SOS2: variants seen among roughly 807,000 people sequenced by gnomAD.
SOS2 encodes the protein son of sevenless homolog 2.
In SOS2, 65 loss-of-function variants were observed where a neutral mutation model predicts 148.2. The ratio of observed to expected loss-of-function variants is 0.44; its 90% confidence interval spans 0.36 to 0.54. SOS2 has a LOEUF of 0.54. SOS2 is among the 20% of genes least tolerant of loss of function. SOS2 has a pLI of 0.00. For synonymous variants in SOS2, 539 were observed against 537.1 expected, an observed-to-expected ratio of 1.00 and a Z score of -0.05; for missense variants, 1,341 against 1,590.2, an observed-to-expected ratio of 0.84 and a Z score of 2.67.
intron 1 of SOS2, among the ~76,000 whole-genome samples, chr14:50,213,674 C>T (rs374300048): frequency 6.6e-6 from 1 of 150,686 alleles, no homozygotes; most frequent in Admixed American, 6.6e-5. Context: ...CTGTCCCCCC[C>T]ACCCCAAAAA....
chr14:50,156,898 G>T (rs1327425136), intron 12 of SOS2, 101 bp downstream of exon 12: 2 of 601,474 alleles, frequency 3.3e-6, no homozygotes, highest in Non-Finnish European at 5.3e-6. Flanking sequence ...AAAGCTGAGA[G>T]CTTTTGTGTT....
intron 1 of SOS2, among the ~76,000 whole-genome samples, chr14:50,230,626 A>G (rs1383171194): frequency 1.3e-5 from 2 of 152,212 alleles, no homozygotes; most frequent in African/African-American, 4.8e-5. Flanking sequence ...AATCTCTTGT[A>G]AACAGGTAAG....
intron 8 of SOS2, among the ~76,000 whole-genome samples, chr14:50,165,719 C>A (rs945402508): frequency 6.6e-6 from 1 of 152,216 alleles, no homozygotes; most frequent in Admixed American, 6.5e-5. Flanking sequence ...TCAGAAGTAA[C>A]TGGAATAAAT....
chr14:50,189,623 T>C (rs966547138), intron 4 of SOS2, among the ~76,000 whole-genome samples: 2 of 152,100 alleles, frequency 1.3e-5, no homozygotes, highest in African/African-American at 4.8e-5. Context: ...AATGCTACTA[T>C]GGTAGAGGCA....
chr14:50,197,592 T>C lies in SOS2; in HGVS notation c.510+2099A>G, dbSNP rs142174731. Among the ~76,000 whole-genome samples the C allele has an allele frequency of 1.3e-3, 195 of 150,780 alleles. 1 individual carries two copies. Among genetic ancestry groups the C allele is most frequent in the Non-Finnish European group, 2.2e-3 (150 of 67,550 alleles). On this transcript the variant is annotated intron_variant, in intron 4 of 22. Coordinates refer to ENST00000216373, the MANE Select transcript of SOS2 (RefSeq NM_006939.4). ...GGTTATAGAAGTTAAGGGAGGAGAGTTGATTCTAACATCTCTCTCCCCAAC... is the reference window on the plus strand; with the variant it reads ...GGTTATAGAAGTTAAGGGAGGAGAGCTGATTCTAACATCTCTCTCCCCAAC...
intron 1 of SOS2, among the ~76,000 whole-genome samples, chr14:50,205,755 A>G (rs2139801188): frequency 6.6e-6 from 1 of 152,134 alleles, no homozygotes; most frequent in Admixed American, 6.6e-5. Flanking sequence ...AACATGGTGA[A>G]ACTAAAAATA....
At chr14:50,196,571 C>T (rs1248261100) in intron 4 of SOS2, among the ~76,000 whole-genome samples, 2 of 152,080 alleles carry the variant, frequency 1.3e-5, no homozygotes, top group Admixed American at 6.6e-5. Flanking sequence ...CCCACTCCAG[C>T]TACCTTTCCT....
At chr14:50,187,057 G>T (rs934169756) in intron 5 of SOS2, among the ~76,000 whole-genome samples, 2 of 152,164 alleles carry the variant, frequency 1.3e-5, no homozygotes, top group African/African-American at 4.8e-5. Context: ...TTTTGCCCAG[G>T]CTGGAGTGCA....
rs1422149740 is a variant in SOS2 at position 50,130,736 on chromosome 14, T to C, written c.3102A>G (p.Lys1034=). ...CTGTGTTAGGCCTTATTCCAGGAGA[T>C]TTTAAGGAAAAAGTTGATTTCCTAG... The part of the protein sequence containing the change: ...RFPRKSTFSL[K]SPGIRPNTGR... The change falls in exon 20 of 23, where the codon AAA becomes AAG. Residue 1034 remains lysine (K), a synonymous_variant. Coordinates refer to ENST00000216373, the MANE Select transcript of SOS2 (RefSeq NM_006939.4). 1 of 1,602,928 alleles carries C rather than the reference T, an allele frequency of 6.2e-7. No individual in the cohort carries two copies.
In SOS2 at chr14:50,229,795, C is replaced by T. The variant is rs143220418; in HGVS notation, c.87+1402G>A. On this transcript the variant is annotated intron_variant, in intron 1 of 22. Transcript: ENST00000216373. Reference sequence around the variant, plus strand: ...GTATATACCTGCGTCACATTGCCAACAATATAGGCCTACCTGATTACTGCA... The same window carrying T: ...GTATATACCTGCGTCACATTGCCAATAATATAGGCCTACCTGATTACTGCA... Among the ~76,000 whole-genome samples, 739 of 152,332 alleles carry T rather than the reference C, an allele frequency of 4.9e-3. 5 individuals are homozygous for T. Among genetic ancestry groups the T allele is most frequent in the African/African-American group, 0.016 (684 of 41,564 alleles).
chr14:50,119,803 CTTTTTTTTTT>C (rs59325250), intron 22 of SOS2, among the ~76,000 whole-genome samples: 1 of 68,498 alleles, frequency 1.5e-5, no homozygotes, highest in Admixed American at 2.2e-4. Flanking sequence ...CCCAACCAGC[CTTTTTTTTTT>C]TTTTTTTTTT....
intron 2 of SOS2, 141 bp from the exon 3 acceptor site, chr14:50,201,225 A>G: frequency 3.7e-6 from 3 of 815,796 alleles, no homozygotes; most frequent in Non-Finnish European, 5.5e-6. Flanking sequence ...GTAATAAATA[A>G]ATTTTTTGGC....
At chr14:50,176,556 T>G (rs1885528695) in intron 7 of SOS2, among the ~76,000 whole-genome samples, 2 of 152,236 alleles carry the variant, frequency 1.3e-5, no homozygotes, top group South Asian at 4.1e-4. Flanking sequence ...AGGAGCTACA[T>G]TTGAGTATTT....
intron 12 of SOS2, 36 bp from the exon 13 acceptor site, chr14:50,153,209 A>T (rs11628935): frequency 8.2e-6 from 10 of 1,215,050 alleles, no homozygotes; most frequent in African/African-American, 1.5e-5. Context: ...TTAGTGAAAC[A>T]TAAGTGTTCA....
intron 5 of SOS2, among the ~76,000 whole-genome samples, chr14:50,187,710 TAAAA>T (rs1885961937): frequency 6.6e-6 from 1 of 152,168 alleles, no homozygotes; most frequent in African/African-American, 2.4e-5. Flanking sequence ...AATCATGTGA[TAAAA>T]GAAAGAAAAA....
rs1490235666 is a variant in SOS2 at position 50,224,312 on chromosome 14, T to TACACAC, written c.87+6884_87+6885insGTGTGT. Among the ~76,000 whole-genome samples, 7 of 53,278 alleles carry TACACAC rather than the reference T, an allele frequency of 1.3e-4. No individual in the cohort carries two copies. In the East Asian group the frequency reaches 3.0e-3, roughly 23 times the overall value. 35.0% of individuals were successfully genotyped at this position (53,278 alleles called of 152,430 possible). ...TCTCAGGAAAAAAAAAAAATATATA[T>TACACAC]ATACACACACACACACACACACACA... is the stretch of plus-strand genomic sequence containing the variant. On this transcript the variant is annotated intron_variant, in intron 1 of 22. Transcript: ENST00000216373.
chr14:50,157,794 C>T (rs1487321248), intron 11 of SOS2, among the ~76,000 whole-genome samples: 1 of 151,924 alleles, frequency 6.6e-6, no homozygotes, highest in Non-Finnish European at 1.5e-5. Context: ...AGTTTTAAAA[C>T]GTAAAACTAA....
intron 1 of SOS2, among the ~76,000 whole-genome samples, chr14:50,218,036 G>A (rs1416204690): frequency 6.6e-6 from 1 of 151,606 alleles, no homozygotes; most frequent in Non-Finnish European, 1.5e-5. Context: ...AGTGGCTTAT[G>A]CCTGTAGTCC....
chr14:50,216,690 G>A (rs991060857), intron 1 of SOS2, among the ~76,000 whole-genome samples: 9 of 152,006 alleles, frequency 5.9e-5, no homozygotes, highest in East Asian at 5.8e-4. Context: ...AGCTGAGATC[G>A]TGCTGCTGCA....
Sources: allele counts gnomAD v4.1 joint callset (sites outside exome capture counted in the v4.1 genomes callset), GRCh38; gene constraint gnomAD v4.1.1; transcripts MANE v1.5; gene names NCBI Gene and HGNC (gene_info 2026-07-23, HGNC 2026-07-21).